Variants in EPSTI1 observed in about 807,000 individuals in gnomAD.
EPSTI1 encodes the protein epithelial-stromal interaction protein 1.
EPSTI1 carries 66 observed loss-of-function variants against 49.9 expected under a neutral mutation model. That is an observed-to-expected ratio of 1.32 (90% CI 1.08 to 1.62). EPSTI1 has a LOEUF of 1.62. Ranked by LOEUF, EPSTI1 falls within the 40% of genes most tolerant of loss-of-function variation. The pLI, the probability that EPSTI1 is intolerant of heterozygous loss-of-function variation, is 0.00. For synonymous variants in EPSTI1, 137 were observed against 130.7 expected (o/e 1.05, Z -0.33); for missense variants, 394 against 365.5 (o/e 1.08, Z -0.64).
At chr13:42,970,443 T>C in intron 2 of EPSTI1, 169 bp downstream of exon 2, 1 of 504,588 alleles carries the variant, frequency 2.0e-6, no homozygotes, top group Non-Finnish European at 3.4e-6. Context: ...CTTAGAAGTG[T>C]TAATAGTAGA....
chr13:42,991,874 T>C, intron 1 of EPSTI1, 104 bp downstream of exon 1: 1 of 1,265,126 alleles, frequency 7.9e-7, no homozygotes, highest in Non-Finnish European at 1.1e-6. Flanking sequence ...AAATCCCTGT[T>C]GTTGGGCCCC....
intron 6 of EPSTI1, among the ~76,000 whole-genome samples, chr13:42,943,431 A>G (rs1220189931): frequency 6.6e-6 from 1 of 152,106 alleles, no homozygotes; most frequent in Admixed American, 6.6e-5. Flanking sequence ...TCTTATGTGG[A>G]TTGTATCAGT....
intron 9 of EPSTI1, among the ~76,000 whole-genome samples, chr13:42,898,894 G>A (rs1375272802): frequency 2.0e-5 from 3 of 152,078 alleles, no homozygotes; most frequent in Non-Finnish European, 4.4e-5. Flanking sequence ...TTTTAAACAG[G>A]AAGTATTTTA....
At chr13:42,978,164 A>G (rs2039917210) in intron 1 of EPSTI1, among the ~76,000 whole-genome samples, 1 of 148,528 alleles carries the variant, frequency 6.7e-6, no homozygotes, top group Non-Finnish European at 1.5e-5. Flanking sequence ...AAAAAAAAAA[A>G]GAAAGTTTAT....
chr13:42,969,405 T>C (rs752395574), intron 2 of EPSTI1: 1 of 478,562 alleles, frequency 2.1e-6, no homozygotes, highest in Non-Finnish European at 3.7e-6. Flanking sequence ...GGGTTCGAAT[T>C]TGAAAAACCA....
chr13:42,971,704 T>C (rs925879142), intron 1 of EPSTI1, among the ~76,000 whole-genome samples: 1 of 152,198 alleles, frequency 6.6e-6, no homozygotes, highest in African/African-American at 2.4e-5. Flanking sequence ...AAGATTGAAC[T>C]GTAGAGGCCA....
chr13:42,989,567 C>CTTT lies in EPSTI1; in HGVS notation c.188+2408_188+2410dup. On this transcript the variant is annotated intron_variant, in intron 1 of 10. Coordinates refer to ENST00000313624, the MANE Select transcript of EPSTI1 (RefSeq NM_033255.5). ...ATTAAAGCACTTTATCCTCTTTTTT[C>CTTT]TTTTTTTTTTTTTTTTGCTTTTTGT... Among the ~76,000 whole-genome samples the CTTT allele has an allele frequency of 2.0e-4, 16 of 79,020 alleles. 2 individuals are homozygous for CTTT. Among genetic ancestry groups the CTTT allele is most frequent in the South Asian group, 5.9e-4 (1 of 1,698 alleles). The allele number at this position is 79,020 out of a possible 152,430, so 51.8% of individuals were successfully genotyped here.
intron 6 of EPSTI1, among the ~76,000 whole-genome samples, chr13:42,950,323 T>C (rs1054857167): frequency 6.6e-6 from 1 of 152,238 alleles, no homozygotes; most frequent in Admixed American, 6.5e-5. Context: ...GTGTGCTCCA[T>C]CTGCATGTGC....
Position 42,905,398 on chromosome 13 carries a change from TAAG to T in EPSTI1, c.742-5018_742-5016del, listed in dbSNP as rs1179835272. ...GGAGAGGCTGGTTTTTCTTCCGTACTAAGAAGGATAATTTCAGCTAATTAATTT... is the reference window on the plus strand; with the variant it reads ...GGAGAGGCTGGTTTTTCTTCCGTACTAAGGATAATTTCAGCTAATTAATTT... On this transcript the variant is annotated intron_variant, in intron 8 of 10. Transcript: ENST00000313624. Among the ~76,000 whole-genome samples the T allele has an allele frequency of 3.3e-5, 5 of 152,308 alleles. No homozygotes were observed. The East Asian group carries it at 7.7e-4, about 24-fold the overall frequency.
intron 1 of EPSTI1, among the ~76,000 whole-genome samples, chr13:42,986,771 A>ACTTG (rs2040091144): frequency 8.1e-6 from 1 of 123,848 alleles, no homozygotes; most frequent in East Asian, 2.3e-4. Flanking sequence ...AAAAAAAAAA[A>ACTTG]CAACTTGCAG....
Position 42,888,162 on chromosome 13 carries a change from G to T in EPSTI1, c.*332C>A. 1 of 1,460,222 alleles carries T rather than the reference G, an allele frequency of 6.8e-7. No individual in the cohort carries two copies. Among genetic ancestry groups the T allele is most frequent in the Non-Finnish European group, 9.3e-7 (1 of 1,071,914 alleles). The allele number at this position is 1,460,222 out of a possible 1,614,324, so 90.5% of individuals were successfully genotyped here. ...ATATGTCACTTAGAAAGACAAGCCTGTAGCACCCATAGCTCTGATTAACCT... is the reference window on the plus strand; with the variant it reads ...ATATGTCACTTAGAAAGACAAGCCTTTAGCACCCATAGCTCTGATTAACCT... On this transcript the variant is annotated 3_prime_UTR_variant, in exon 11 of 11. Transcript: ENST00000313624.
intron 8 of EPSTI1, among the ~76,000 whole-genome samples, chr13:42,906,783 G>A (rs1343983890): frequency 1.3e-5 from 2 of 151,972 alleles, no homozygotes; most frequent in Non-Finnish European, 2.9e-5. Flanking sequence ...AATACTAATG[G>A]GTGAAGTAGA....
At chr13:42,908,913 T>C (rs1245631557) in intron 8 of EPSTI1, among the ~76,000 whole-genome samples, 2 of 142,318 alleles carry the variant, frequency 1.4e-5, no homozygotes, top group Admixed American at 7.2e-5. Flanking sequence ...TGAAACCCTG[T>C]CTCGACTAAA....
At chr13:42,891,661 T>C (rs533852334) in intron 10 of EPSTI1, among the ~76,000 whole-genome samples, 1 of 152,252 alleles carries the variant, frequency 6.6e-6, no homozygotes, top group Non-Finnish European at 1.5e-5. Flanking sequence ...CTAATCATTT[T>C]AGCATGTGAA....
At position 42,904,740 on chromosome 13, in the gene EPSTI1, T is replaced by G. The variant is rs78864296; in HGVS notation, c.742-4357A>C. Among the ~76,000 whole-genome samples the G allele has an allele frequency of 2.3e-3, 352 of 152,276 alleles. 2 individuals are homozygous for G. Among genetic ancestry groups the G allele is most frequent in the African/African-American group, 8.0e-3 (334 of 41,554 alleles). ...TAGAGCAGGGGCCTATGGAGAGATC[T>G]CTAAGATACATTAAGTGATAAAAGA... On this transcript the variant is annotated intron_variant, in intron 8 of 10. Coordinates refer to ENST00000313624, the MANE Select transcript of EPSTI1 (RefSeq NM_033255.5).
intron 8 of EPSTI1, among the ~76,000 whole-genome samples, chr13:42,907,713 A>G (rs574378275): frequency 2.0e-5 from 3 of 152,370 alleles, no homozygotes; most frequent in African/African-American, 7.2e-5. Flanking sequence ...AAATTTAGAA[A>G]CAGTATTTTC....
intron 1 of EPSTI1, 144 bp downstream of exon 1, chr13:42,991,834 C>G: frequency 1.1e-6 from 1 of 929,584 alleles, no homozygotes; most frequent in Non-Finnish European, 1.6e-6. Flanking sequence ...TGGATACTTT[C>G]ATTTAAGCAA....
chr13:42,966,775 G>A (rs1281794183), intron 3 of EPSTI1, among the ~76,000 whole-genome samples: 1 of 89,992 alleles, frequency 1.1e-5, no homozygotes, highest in African/African-American at 3.4e-5. Flanking sequence ...CGTCTGGGAG[G>A]TGTGCCCAAC....
chr13:42,964,596 T>G (rs1244627065), intron 3 of EPSTI1, among the ~76,000 whole-genome samples: 1 of 152,162 alleles, frequency 6.6e-6, no homozygotes, highest in Admixed American at 6.6e-5. Context: ...GCAGCAAGGC[T>G]CAGGAGGCTC....
Sources: gnomAD v4.1 joint callset for allele counts (sites outside exome capture counted in the v4.1 genomes callset) on GRCh38, gnomAD v4.1.1 for gene constraint, MANE v1.5 for transcripts, NCBI Gene and HGNC (gene_info 2026-07-23, HGNC 2026-07-21) for gene names.